MGAT5: variants seen among roughly 807,000 people sequenced by gnomAD.
MGAT5 encodes the protein alpha-1,6-mannosylglycoprotein 6-beta-N-acetylglucosaminyltransferase A.
A neutral mutation model predicts 94.3 loss-of-function variants in MGAT5; 30 were observed. The ratio of observed to expected loss-of-function variants is 0.32; its 90% CI spans 0.24 to 0.43. The LOEUF (loss-of-function observed/expected upper bound fraction) is 0.43. Among genes scored for constraint, MGAT5 ranks in the 20% least tolerant of loss-of-function variants. MGAT5 has a pLI of 1.00. For synonymous variants in MGAT5, 310 were observed against 322.9 expected (o/e 0.96, Z 0.43); for missense variants, 691 against 905.5 (o/e 0.76, Z 3.04).
intron 1 of MGAT5, among the ~76,000 whole-genome samples, chr2:134,193,125 ATTTTTTT>A (rs1161424806): frequency 4.6e-5 from 6 of 131,282 alleles, no homozygotes; most frequent in African/African-American, 1.5e-4. Flanking sequence ...TTTATTTTTT[ATTTTTTT>A]TTTTTTTTGA....
chr2:134,254,604 T>C lies in MGAT5; in HGVS notation c.201T>C (p.Asn67=). 1 of 1,614,186 alleles carries C rather than the reference T, an allele frequency of 6.2e-7. No homozygotes were observed. The highest frequency in any genetic ancestry group is 8.5e-7 in the Non-Finnish European group (1 of 1,180,034). The change falls in exon 1 of 16, where the codon AAT becomes AAC. Residue 67 remains asparagine, a synonymous_variant. Coordinates refer to ENST00000281923, the MANE Select transcript of MGAT5 (RefSeq NM_002410.5). ...AGGCACTGGCAGAAGAAAACAGGAA[T>C]GTGGTGGATGGGCCATACGCTGGAG... The part of the protein sequence containing the change: ...YIKALAEENR[N]VVDGPYAGVM...
At chr2:134,416,904 C>G (rs1200578173) in intron 12 of MGAT5, among the ~76,000 whole-genome samples, 1 of 151,600 alleles carries the variant, frequency 6.6e-6, no homozygotes, top group Non-Finnish European at 1.5e-5. Context: ...CATGCCTGGC[C>G]TATGTCACTC....
At chr2:134,308,821 G>GC (rs1686486117) in intron 2 of MGAT5, among the ~76,000 whole-genome samples, 1 of 152,180 alleles carries the variant, frequency 6.6e-6, no homozygotes, top group South Asian at 2.1e-4. Flanking sequence ...GATGGCTTGA[G>GC]CTCAAGAGTT....
intron 2 of MGAT5, among the ~76,000 whole-genome samples, chr2:134,301,995 G>C (rs1384600027): frequency 1.3e-5 from 2 of 152,162 alleles, no homozygotes; most frequent in Non-Finnish European, 2.9e-5. Flanking sequence ...CCAAAGAACT[G>C]TATAGGGTAG....
Position 134,194,379 on chromosome 2 carries a change from G to T in MGAT5, c.-142-59883G>T, listed in dbSNP as rs371469039. 2.9e-4 allele frequency among the ~76,000 whole-genome samples: 44 copies of T among 152,180 alleles called. 1 individual carries two copies. Among genetic ancestry groups the T allele is most frequent in the African/African-American group, 1.0e-3 (43 of 41,498 alleles). On this transcript the variant is annotated intron_variant, in intron 1 of 16. Transcript: ENST00000409645. ...GGTGGGGGCAGAAAAAATGGTCCTT[G>T]TGGCTTTAATACTACTGCTGTTACA... is the stretch of plus-strand genomic sequence containing the variant.
At chr2:134,219,592 A>G (rs1680656291) in intron 1 of MGAT5, among the ~76,000 whole-genome samples, 1 of 152,178 alleles carries the variant, frequency 6.6e-6, no homozygotes, top group African/African-American at 2.4e-5. Context: ...GCAAAGTCAC[A>G]AGGCTGGCAT....
chr2:134,168,957 A>G (rs887673890), intron 1 of MGAT5, among the ~76,000 whole-genome samples: 3 of 152,138 alleles, frequency 2.0e-5, no homozygotes, highest in Non-Finnish European at 4.4e-5. Flanking sequence ...TCCAGTGCTG[A>G]GGGTCATAAG....
intron 10 of MGAT5, among the ~76,000 whole-genome samples, chr2:134,397,513 G>C (rs928037642): frequency 1.3e-5 from 2 of 152,118 alleles, no homozygotes; most frequent in East Asian, 3.9e-4. Flanking sequence ...AAGGAGGTGG[G>C]TTTTATTCGC....
At position 134,446,988 on chromosome 2, in the gene MGAT5, G is replaced by A. The variant is rs143392588; in HGVS notation, c.2028-1661G>A. On this transcript the variant is annotated intron_variant, in intron 15 of 15. Transcript: ENST00000281923. The stretch of plus-strand genomic sequence containing the variant: ...GGATTAATGTTGGCAAGGGGAGGAA[G>A]GCCCCAGGCAGCTGGTTAGCTAGAG... Among the ~76,000 whole-genome samples the A allele has an allele frequency of 2.8e-3, 433 of 152,334 alleles. 1 individual carries two copies. The highest frequency in any genetic ancestry group is 5.5e-3 in the Admixed American group (84 of 15,306).
At chr2:134,207,981 C>T (rs575499296) in intron 1 of MGAT5, among the ~76,000 whole-genome samples, 2 of 152,166 alleles carry the variant, frequency 1.3e-5, no homozygotes, top group African/African-American at 2.4e-5. Context: ...AAAGACTTTG[C>T]GTTCTACTTC....
At chr2:134,250,900 A>G (rs991625601), upstream of MGAT5, among the ~76,000 whole-genome samples, 1 of 152,182 alleles carries the variant, frequency 6.6e-6, no homozygotes, top group Non-Finnish European at 1.5e-5. Flanking sequence ...CTCCAAGGCA[A>G]GGGCAGAGAA....
At chr2:134,381,364 T>TA (rs1553457706) in intron 10 of MGAT5, among the ~76,000 whole-genome samples, 11 of 95,658 alleles carry the variant, frequency 1.1e-4, no homozygotes, top group African/African-American at 3.7e-4. Flanking sequence ...GATAGATAGA[T>TA]AGATAAGATA....
chr2:134,329,743 T>C (rs1467930556), intron 4 of MGAT5, among the ~76,000 whole-genome samples: 1 of 152,068 alleles, frequency 6.6e-6, no homozygotes, highest in Admixed American at 6.6e-5. Flanking sequence ...CATGCTTGGC[T>C]CCTAGTACAT....
intron 2 of MGAT5, among the ~76,000 whole-genome samples, chr2:134,296,951 C>CACTTTGG (rs1173457552): frequency 6.6e-6 from 1 of 151,992 alleles, no homozygotes; most frequent in East Asian, 1.9e-4. Context: ...GTAATTCTAG[C>CACTTTGG]ACTTTGGGAG....
rs535108335 is a variant in MGAT5 at position 134,394,914 on chromosome 2, A to G, written c.1381-8074A>G. Among the ~76,000 whole-genome samples, 23 of 152,360 alleles carry G rather than the reference A, an allele frequency of 1.5e-4. No homozygotes were observed. In the South Asian group the frequency reaches 4.8e-3, roughly 32 times the overall value. Reference sequence around the variant, plus strand: ...TTTCCTGACCCTTTAGGGATTCTATAAAACATGCAATTTCAGTTTGCCAAG... The same window carrying G: ...TTTCCTGACCCTTTAGGGATTCTATGAAACATGCAATTTCAGTTTGCCAAG... On this transcript the variant is annotated intron_variant, in intron 10 of 15. Transcript: ENST00000281923.
chr2:134,249,546 T>C (rs1682470076), upstream of MGAT5, among the ~76,000 whole-genome samples: 1 of 152,254 alleles, frequency 6.6e-6, no homozygotes, highest in Non-Finnish European at 1.5e-5. Context: ...AGTATAATGT[T>C]CTTAAGAGTC....
intron 1 of MGAT5, among the ~76,000 whole-genome samples, chr2:134,131,973 A>C (rs1325373165): frequency 6.6e-6 from 1 of 152,212 alleles, no homozygotes; most frequent in Non-Finnish European, 1.5e-5. Flanking sequence ...GAGCAGGTCT[A>C]GGTCGGCCAG....
upstream of MGAT5, among the ~76,000 whole-genome samples, chr2:134,253,580 A>G (rs759654607): frequency 3.4e-4 from 52 of 152,214 alleles, no homozygotes; most frequent in Non-Finnish European, 7.3e-4. Flanking sequence ...TTCTTGTGCT[A>G]CAGCATGCAA....
chr2:134,412,723 C>T, intron 11 of MGAT5, 146 bp from the exon 12 acceptor site: 1 of 964,694 alleles, frequency 1.0e-6, no homozygotes, highest in Non-Finnish European at 1.6e-6. Flanking sequence ...CTCTCTGCCC[C>T]ACCCCCCAGG....
Sources: gnomAD v4.1 joint callset for allele counts (sites outside exome capture counted in the v4.1 genomes callset) on GRCh38, gnomAD v4.1.1 for gene constraint, MANE v1.5 for transcripts, NCBI Gene and HGNC (gene_info 2026-07-23, HGNC 2026-07-21) for gene names.